The following EYS variants were observed in gnomAD, a reference collection of about 807,000 sequenced individuals.
EYS encodes the protein protein eyes shut homolog.
Under a neutral mutation model 282.1 loss-of-function variants are expected in EYS, and 250 were observed. The ratio of observed to expected loss-of-function variants is 0.89; its 90% CI spans 0.80 to 0.98. The LOEUF is 0.98. Ranked by LOEUF, EYS falls within the 50% of genes least tolerant of loss-of-function variation. The pLI is 0.00. For synonymous variants in EYS, 1,355 were observed against 1,282.9 expected (o/e 1.06, Z -1.20); for missense variants, 4,016 against 3,709.0 (o/e 1.08, Z -2.15).
Position 64,670,962 on chromosome 6 carries a change from A to G in EYS, c.3444-44717T>C, listed in dbSNP as rs527783474. On this transcript the variant is annotated intron_variant, in intron 22 of 42. Coordinates refer to ENST00000503581, the MANE Select transcript of EYS (RefSeq NM_001142800.2). ...GTCCTAGACTCTGCTGCTGGAACCC[A>G]TTTCTTCTCCCAATATTGGAAAGAC... Among the ~76,000 whole-genome samples, 10 of 144,824 alleles carry G rather than the reference A, an allele frequency of 6.9e-5. 2 individuals are homozygous for G. In the South Asian group the frequency reaches 2.2e-3, roughly 31 times the overall value.
intron 14 of EYS, among the ~76,000 whole-genome samples, chr6:64,982,617 C>CCTAATAGAGACACATTCAATCT (rs1454235448): frequency 9.9e-5 from 15 of 150,888 alleles, no homozygotes; most frequent in Non-Finnish European, 4.5e-5. Flanking sequence ...GTAATTGAGT[C>CCTAATAGAGACACATTCAATCT]CTAATAGAGA....
chr6:65,104,332 T>C (rs1485696196), intron 12 of EYS, among the ~76,000 whole-genome samples: 1 of 151,512 alleles, frequency 6.6e-6, no homozygotes, highest in Non-Finnish European at 1.5e-5. Flanking sequence ...TTCTTTACTA[T>C]ATTTAATAAA....
chr6:64,293,536 T>A (rs754348418), intron 30 of EYS, among the ~76,000 whole-genome samples: 24 of 152,068 alleles, frequency 1.6e-4, no homozygotes, highest in Non-Finnish European at 2.8e-4. Flanking sequence ...CAGGGTAACA[T>A]AACATTTAGT....
intron 22 of EYS, among the ~76,000 whole-genome samples, chr6:64,670,214 A>T (rs1006579833): frequency 7.2e-5 from 11 of 152,072 alleles, no homozygotes; most frequent in Non-Finnish European, 1.5e-4. Flanking sequence ...AAGCCAATTA[A>T]CAAACACAGA....
At chr6:65,066,286 G>A (rs1773744532) in intron 12 of EYS, among the ~76,000 whole-genome samples, 1 of 152,142 alleles carries the variant, frequency 6.6e-6, no homozygotes. Flanking sequence ...TTAAAGCTGT[G>A]AGTCATGTAA....
At chr6:65,164,442 T>C (rs1008664145) in intron 12 of EYS, among the ~76,000 whole-genome samples, 3 of 151,398 alleles carry the variant, frequency 2.0e-5, no homozygotes, top group African/African-American at 7.3e-5. Context: ...GTTTCATTAC[T>C]GTACACTTTC....
chr6:63,851,551 A>G (rs1357564157), intron 36 of EYS, among the ~76,000 whole-genome samples: 1 of 152,236 alleles, frequency 6.6e-6, no homozygotes, highest in Non-Finnish European at 1.5e-5. Flanking sequence ...TGGAAAATGA[A>G]CAACCTGCTC....
At chr6:65,179,062 A>G (rs1009169341) in intron 12 of EYS, among the ~76,000 whole-genome samples, 3 of 151,966 alleles carry the variant, frequency 2.0e-5, no homozygotes, top group East Asian at 1.9e-4. Context: ...ATTCAAAGCA[A>G]TGTGTAGAGG....
At chr6:64,360,298 C>T (rs1771960557) in intron 29 of EYS, among the ~76,000 whole-genome samples, 2 of 151,678 alleles carry the variant, frequency 1.3e-5, no homozygotes, top group Non-Finnish European at 3.0e-5. Context: ...TCTAACTTCA[C>T]ATATTTTTCC....
intron 30 of EYS, among the ~76,000 whole-genome samples, chr6:64,297,576 C>T (rs1198150092): frequency 3.3e-5 from 5 of 152,080 alleles, no homozygotes; most frequent in African/African-American, 1.2e-4. Context: ...ATAGATTTCT[C>T]ATCAGTAATT....
At chr6:65,404,685 G>T (rs187598945) in intron 6 of EYS, among the ~76,000 whole-genome samples, 2,183 of 151,712 alleles carry the variant, frequency 0.014, 28 homozygotes, top group Non-Finnish European at 0.025. Context: ...CAATTTTTTT[G>T]ATAAAATGGA....
chr6:65,691,234 C>T (rs1246805939), intron 1 of EYS, among the ~76,000 whole-genome samples: 1 of 150,328 alleles, frequency 6.7e-6, no homozygotes, highest in Non-Finnish European at 1.5e-5. Context: ...CACATTCTCT[C>T]CAGCACCTGT....
intron 22 of EYS, among the ~76,000 whole-genome samples, chr6:64,746,120 G>T (rs1337382128): frequency 6.6e-6 from 1 of 152,002 alleles, no homozygotes; most frequent in African/African-American, 2.4e-5. Context: ...AGAAATAAAA[G>T]TTGAATATTG....
At chr6:64,007,975 G>A (rs1238485256) in intron 33 of EYS, among the ~76,000 whole-genome samples, 1 of 152,054 alleles carries the variant, frequency 6.6e-6, no homozygotes, top group Non-Finnish European at 1.5e-5. Context: ...GTTTTTGAGT[G>A]GAGATATCTG....
intron 12 of EYS, among the ~76,000 whole-genome samples, chr6:65,250,231 T>C (rs1767286500): frequency 6.6e-6 from 1 of 152,070 alleles, no homozygotes; most frequent in Non-Finnish European, 1.5e-5. Flanking sequence ...CTCTATTATA[T>C]GCATGATGAA....
At chr6:65,187,219 GT>G (rs1305481555) in intron 12 of EYS, among the ~76,000 whole-genome samples, 1 of 151,626 alleles carries the variant, frequency 6.6e-6, no homozygotes, top group Non-Finnish European at 1.5e-5. Flanking sequence ...TCTTAGTATA[GT>G]TTTTTGGTTT....
chr6:65,369,291 T>A lies in EYS; in HGVS notation c.1299+15095A>T, dbSNP rs1402472066. Among the ~76,000 whole-genome samples the A allele has an allele frequency of 4.1e-4, 43 of 104,622 alleles. 1 individual carries two copies. The Admixed American group carries it at 4.5e-3, about 11-fold the overall frequency. The allele number at this position is 104,622 out of a possible 152,430, so 68.6% of individuals were successfully genotyped here. On this transcript the variant is annotated intron_variant, in intron 8 of 42. Transcript: ENST00000503581. ...TATATATATATTTATATATATTATA[T>A]ATATATTTATGTATAATATATATAT...
At chr6:64,762,432 G>T (rs1053168624) in intron 22 of EYS, among the ~76,000 whole-genome samples, 2 of 152,184 alleles carry the variant, frequency 1.3e-5, no homozygotes, top group Admixed American at 1.3e-4. Context: ...CCAACTTGGA[G>T]CAAATATCAG....
At chr6:65,536,874 A>C (rs1767980782) in intron 2 of EYS, among the ~76,000 whole-genome samples, 1 of 152,176 alleles carries the variant, frequency 6.6e-6, no homozygotes, top group Non-Finnish European at 1.5e-5. Flanking sequence ...CACCCAAAAT[A>C]AAAATCACAA....
Sources: gnomAD v4.1 joint callset for allele counts (sites outside exome capture counted in the v4.1 genomes callset) on GRCh38, gnomAD v4.1.1 for gene constraint, MANE v1.5 for transcripts, NCBI Gene and HGNC (gene_info 2026-07-23, HGNC 2026-07-21) for gene names.